The following PTGR1 variants were observed in gnomAD, a reference collection of about 807,000 sequenced individuals.
PTGR1 encodes prostaglandin reductase 1, also known as 15-oxoprostaglandin 13-reductase.
In PTGR1, 23 loss-of-function variants were observed where a neutral mutation model predicts 37.7. The observed-to-expected ratio is 0.61, with a 90% CI of 0.44 to 0.86. The LOEUF (loss-of-function observed/expected upper bound fraction) is 0.86. Among genes scored for constraint, PTGR1 ranks in the 40% least tolerant of loss-of-function variants. PTGR1 has a pLI of 0.00. For synonymous variants in PTGR1, 134 were observed against 140.0 expected (o/e 0.96, Z 0.30); for missense variants, 351 against 394.3 (o/e 0.89, Z 0.93).
intron 8 of PTGR1, among the ~76,000 whole-genome samples, chr9:111,571,785 T>G (rs76851613): frequency 0.067 from 10,218 of 152,212 alleles, 590 homozygotes; most frequent in African/African-American, 0.15. Context: ...ATTACAGGCA[T>G]AAGCCACTGC....
intron 7 of PTGR1, among the ~76,000 whole-genome samples, chr9:111,575,907 A>C (rs1253735602): frequency 6.6e-6 from 1 of 152,164 alleles, no homozygotes; most frequent in Admixed American, 6.6e-5. Flanking sequence ...GGGCTTCATC[A>C]AAATTTAAAA....
chr9:111,571,980 C>T (rs1051304604), intron 8 of PTGR1, among the ~76,000 whole-genome samples: 10 of 152,166 alleles, frequency 6.6e-5, no homozygotes, highest in African/African-American at 2.4e-4. Context: ...TTGATTTTCC[C>T]AAGTGTCCTA....
At chr9:111,564,859 C>T (rs1828484816) in intron 9 of PTGR1, among the ~76,000 whole-genome samples, 2 of 152,030 alleles carry the variant, frequency 1.3e-5, no homozygotes, top group South Asian at 2.1e-4. Flanking sequence ...CGCAGTGGCT[C>T]ATGTCTGTAA....
chr9:111,575,115 A>C (rs1241221487), intron 7 of PTGR1, among the ~76,000 whole-genome samples: 2 of 152,164 alleles, frequency 1.3e-5, no homozygotes, highest in African/African-American at 2.4e-5. Context: ...AGCCTGGCCA[A>C]CATGGTAAAA....
chr9:111,571,959 T>G (rs1353046204), intron 8 of PTGR1, among the ~76,000 whole-genome samples: 1 of 152,202 alleles, frequency 6.6e-6, no homozygotes, highest in East Asian at 1.9e-4. Context: ...AAAAGTTTTT[T>G]GGTTGCCTGG....
chr9:111,557,528 C>T (rs560340939), intron 9 of PTGR1, among the ~76,000 whole-genome samples: 1 of 151,960 alleles, frequency 6.6e-6, no homozygotes, highest in African/African-American at 2.4e-5. Context: ...TCTCTGCAAC[C>T]TCCGCCTCCC....
chr9:111,551,272 C>G (rs888480686), intron 9 of PTGR1, among the ~76,000 whole-genome samples: 2 of 151,922 alleles, frequency 1.3e-5, no homozygotes, highest in Admixed American at 1.3e-4. Context: ...ATTTGTAATA[C>G]ATAACTCACA....
chr9:111,573,155 G>A (rs1828902377), intron 8 of PTGR1, among the ~76,000 whole-genome samples: 1 of 152,186 alleles, frequency 6.6e-6, no homozygotes, highest in South Asian at 2.1e-4. Context: ...TCGAGTTACT[G>A]TATCCAAAAT....
chr9:111,573,415 C>T (rs925545776), intron 8 of PTGR1, among the ~76,000 whole-genome samples: 2 of 152,334 alleles, frequency 1.3e-5, no homozygotes, highest in South Asian at 2.1e-4. Context: ...TCTAGCCCCC[C>T]CATCTCCATA....
chr9:111,573,725 T>A (rs1053862327), intron 8 of PTGR1, among the ~76,000 whole-genome samples: 1 of 152,162 alleles, frequency 6.6e-6, no homozygotes, highest in Non-Finnish European at 1.5e-5. Context: ...TCTGGTCCTC[T>A]TGGCCATTCC....
intron 2 of PTGR1, among the ~76,000 whole-genome samples, chr9:111,596,110 A>T (rs1829772319): frequency 6.6e-6 from 1 of 152,224 alleles, no homozygotes; most frequent in African/African-American, 2.4e-5. Flanking sequence ...GAATCCTGCC[A>T]TGTGACATCG....
chr9:111,578,670 C>T (rs1045047012), intron 7 of PTGR1, 126 bp downstream of exon 7: 3 of 789,192 alleles, frequency 3.8e-6, no homozygotes, highest in African/African-American at 3.6e-5. Flanking sequence ...CCCCTCACCT[C>T]CTGCTGTGCA....
intron 9 of PTGR1, among the ~76,000 whole-genome samples, chr9:111,566,948 G>A (rs1277530253): frequency 4.5e-4 from 69 of 152,046 alleles, no homozygotes; most frequent in Admixed American, 4.5e-3. Flanking sequence ...AACTAGCCAG[G>A]TGTGGTGGCA....
intron 2 of PTGR1, among the ~76,000 whole-genome samples, chr9:111,596,053 A>C (rs1481740258): frequency 6.6e-6 from 1 of 152,204 alleles, no homozygotes; most frequent in Non-Finnish European, 1.5e-5. Context: ...AAAGCCATGA[A>C]GAGTAATGCA....
At chr9:111,565,330 C>T (rs751812395) in intron 9 of PTGR1, among the ~76,000 whole-genome samples, 40 of 152,148 alleles carry the variant, frequency 2.6e-4, no homozygotes, top group Admixed American at 6.5e-5. Context: ...GACTTCTAGC[C>T]TCCAGAACTG....
chr9:111,560,635 T>C (rs1480111794), downstream of PTGR1, among the ~76,000 whole-genome samples: 6 of 36,474 alleles, frequency 1.6e-4, no homozygotes, highest in Non-Finnish European at 2.2e-4. Flanking sequence ...AGACACCATC[T>C]CAAAAAAAAA....
At position 111,580,026 on chromosome 9, in the gene PTGR1, C is replaced by T. The variant is rs190198944; in HGVS notation, c.496-1075G>A. Among the ~76,000 whole-genome samples the T allele has an allele frequency of 1.9e-3, 290 of 152,292 alleles. 2 individuals are homozygous for T. Among genetic ancestry groups the T allele is most frequent in the Admixed American group, 6.7e-3 (102 of 15,298 alleles). ...GTGACGGCCACAGGCTTTTTCCATTCCTTCATGATTCCAGAAAAAACTATT... is the reference window on the plus strand; with the variant it reads ...GTGACGGCCACAGGCTTTTTCCATTTCTTCATGATTCCAGAAAAAACTATT... On this transcript the variant is annotated intron_variant, in intron 6 of 9. Transcript: ENST00000407693.
intron 3 of PTGR1, among the ~76,000 whole-genome samples, chr9:111,593,344 CA>C (rs1428998896): frequency 6.6e-6 from 1 of 152,070 alleles, no homozygotes; most frequent in East Asian, 1.9e-4. Context: ...ACTAGCTACG[CA>C]AAAAGATGCC....
downstream of PTGR1, among the ~76,000 whole-genome samples, chr9:111,561,094 T>TAC (rs1828286011): frequency 3.1e-5 from 1 of 31,832 alleles, no homozygotes; most frequent in Non-Finnish European, 5.6e-5. Flanking sequence ...AATATATATA[T>TAC]ATATATATAT....
Sources: allele counts gnomAD v4.1 joint callset (sites outside exome capture counted in the v4.1 genomes callset), GRCh38; gene constraint gnomAD v4.1.1; transcripts MANE v1.5; gene names NCBI Gene and HGNC (gene_info 2026-07-23, HGNC 2026-07-21).